Variants in SLC5A10 observed in about 807,000 individuals in gnomAD.
SLC5A10 encodes the protein sodium/mannose cotransporter SLC5A10.
Under a neutral mutation model 68.9 loss-of-function variants are expected in SLC5A10, and 55 were observed. The observed-to-expected ratio is 0.80, with a 90% CI of 0.64 to 1.00. The LOEUF is 1.00. Ranked by LOEUF, SLC5A10 falls within the 50% of genes least tolerant of loss-of-function variation. The pLI is 0.00. For synonymous variants in SLC5A10, 344 were observed against 344.8 expected, an observed-to-expected ratio of 1.00 and a Z score of 0.02; for missense variants, 732 against 819.3, an observed-to-expected ratio of 0.89 and a Z score of 1.30.
At chr17:19,002,625 T>C (rs982340241) in intron 9 of SLC5A10, among the ~76,000 whole-genome samples, 1 of 152,184 alleles carries the variant, frequency 6.6e-6, no homozygotes, top group Non-Finnish European at 1.5e-5. Context: ...GCTTTATCTA[T>C]CAAATTAAGA....
chr17:18,978,704 G>A (rs1567791337), intron 9 of SLC5A10: 9 of 1,612,958 alleles, frequency 5.6e-6, no homozygotes, highest in South Asian at 2.2e-5. Context: ...CTCCGGCTCC[G>A]GTTCCTTCTC....
At chr17:19,011,696 C>T (rs1027066517) in intron 9 of SLC5A10, among the ~76,000 whole-genome samples, 23 of 151,836 alleles carry the variant, frequency 1.5e-4, no homozygotes, top group African/African-American at 5.1e-4. Context: ...AGGGAGGTGC[C>T]TGGGGGATGA....
chr17:19,005,407 A>T (rs1319457340), intron 9 of SLC5A10, among the ~76,000 whole-genome samples: 1 of 152,114 alleles, frequency 6.6e-6, no homozygotes, highest in Admixed American at 6.5e-5. Context: ...GACCCTGGTT[A>T]TGGGGAGCGT....
intron 9 of SLC5A10, chr17:18,977,264 G>A (rs1263483134): frequency 1.7e-6 from 1 of 584,986 alleles, no homozygotes; most frequent in Non-Finnish European, 3.0e-6. Context: ...TGCAAACTAG[G>A]GACTGTGCCA....
Position 19,020,483 on chromosome 17 carries a change from A to G in SLC5A10, c.*52A>G, listed in dbSNP as rs372797080. ...GAGCTCTGAGTCCTCAGGTCCACCC[A>G]TTTCCCTCATGGGGATCCCGAGGCC... On this transcript the variant is annotated 3_prime_UTR_variant, in exon 15 of 15. Coordinates refer to ENST00000395645, the MANE Select transcript of SLC5A10 (RefSeq NM_001042450.4). 7 of 1,561,348 alleles carry G rather than the reference A, an allele frequency of 4.5e-6. No homozygotes were observed. Among genetic ancestry groups the G allele is most frequent in the Middle Eastern group, 1.9e-4 (1 of 5,232 alleles).
At chr17:18,977,523 G>A in intron 9 of SLC5A10, 1 of 1,505,534 alleles carries the variant, frequency 6.6e-7, no homozygotes, top group South Asian at 1.2e-5. Context: ...AACAGCTCGA[G>A]CTCTTGGGTG....
At chr17:19,011,124 G>A (rs2044002722) in intron 9 of SLC5A10, among the ~76,000 whole-genome samples, 1 of 152,222 alleles carries the variant, frequency 6.6e-6, no homozygotes, top group Non-Finnish European at 1.5e-5. Context: ...TGCCCTTGGG[G>A]AGCCTCCGTC....
At chr17:19,020,110 CTGCCATCCCCCA>C in intron 13 of SLC5A10, 33 bp from the exon 14 acceptor site, 3 of 1,246,534 alleles carry the variant, frequency 2.4e-6, no homozygotes, top group Non-Finnish European at 2.3e-6. Flanking sequence ...CACCCCCACC[CTGCCATCCCCCA>C]CCCCCAACCC....
intron 5 of SLC5A10, among the ~76,000 whole-genome samples, chr17:18,965,978 G>A (rs2042700845): frequency 6.6e-6 from 1 of 152,214 alleles, no homozygotes; most frequent in Non-Finnish European, 1.5e-5. Context: ...AGGATGCTAT[G>A]AGCAGCACTG....
In SLC5A10 at chr17:19,015,196, G is replaced by T. The variant is rs1567814539; in HGVS notation, c.1238G>T (p.Gly413Val). Residue 413 changes from glycine (G) to valine (V), a missense_variant, in exon 11 of 15, where the codon GGA becomes GTA. Coordinates refer to ENST00000395645, the MANE Select transcript of SLC5A10 (RefSeq NM_001042450.4). ...GGCGAGCGGGAGCTCCTGCTGGTGG[G>T]ACGGTACGGGGGTGGGGGCCAGTAC... ...RSGERELLLV[G>V]RLVIVALIGV... The T allele has an allele frequency of 6.7e-7, 1 of 1,496,562 alleles. No homozygotes were observed. Among genetic ancestry groups the T allele is most frequent in the Non-Finnish European group, 9.1e-7 (1 of 1,093,106 alleles). 92.7% of individuals were successfully genotyped at this position (1,496,562 alleles called of 1,614,324 possible). A position where few individuals can be genotyped will look rare whatever the true frequency, so the allele number is the denominator to read the frequency against.
At chr17:18,970,937 T>C in intron 7 of SLC5A10, 76 bp from the exon 8 acceptor site, 4 of 1,420,618 alleles carry the variant, frequency 2.8e-6, no homozygotes, top group South Asian at 1.2e-5. Flanking sequence ...TCTTGTGAGA[T>C]GAAGGCAGGG....
intron 5 of SLC5A10, among the ~76,000 whole-genome samples, chr17:18,961,864 G>C (rs992892296): frequency 3.9e-5 from 6 of 152,174 alleles, no homozygotes; most frequent in Non-Finnish European, 8.8e-5. Flanking sequence ...GTGACTCTGA[G>C]GGGATTCCCA....
chr17:18,965,710 C>A (rs1162479193), intron 5 of SLC5A10, among the ~76,000 whole-genome samples: 3 of 152,234 alleles, frequency 2.0e-5, no homozygotes, highest in South Asian at 2.1e-4. Flanking sequence ...ACTGGGCTCC[C>A]GCCCTTGCAA....
Position 18,971,332 on chromosome 17 carries a change from G to C in SLC5A10, c.846+114G>C, listed in dbSNP as rs767417633. ...ATGAGTCTGGGCTGGGGCCTCAGAA[G>C]GTGTGGCTCCAGGCTGGGACATGCT... On this transcript the variant is annotated intron_variant, in intron 8 of 14. Transcript: ENST00000395645. This position sits in a 1 kb window ranked among gnomAD's most constrained non-coding sequence, Gnocchi z 5.5. 15 of 1,606,598 alleles carry C rather than the reference G, an allele frequency of 9.3e-6. No individual in the cohort carries two copies. The highest frequency in any genetic ancestry group is 1.3e-5 in the Non-Finnish European group (15 of 1,175,368).
At chr17:18,983,935 G>A (rs1005616290) in intron 9 of SLC5A10, among the ~76,000 whole-genome samples, 6 of 152,144 alleles carry the variant, frequency 3.9e-5, no homozygotes, top group Non-Finnish European at 7.4e-5. Flanking sequence ...ACCTGTCCCC[G>A]GCAGTGTAGG....
upstream of SLC5A10, among the ~76,000 whole-genome samples, chr17:18,951,085 G>A (rs1168764095): frequency 6.6e-6 from 1 of 152,268 alleles, no homozygotes; most frequent in Non-Finnish European, 1.5e-5. Flanking sequence ...TTGCAGGCCA[G>A]CGTGTTCCTG....
At chr17:18,953,199 T>C (rs2042411205) in intron 1 of SLC5A10, among the ~76,000 whole-genome samples, 1 of 148,536 alleles carries the variant, frequency 6.7e-6, no homozygotes, top group Non-Finnish European at 1.5e-5. Flanking sequence ...GCAGTGGCAC[T>C]ATCTCGGCTC....
In SLC5A10 at chr17:18,968,441, G is replaced by A. The variant is rs767424971; in HGVS notation, c.454-611G>A. Among the ~76,000 whole-genome samples, 1 of 152,200 alleles carries A rather than the reference G, an allele frequency of 6.6e-6. No individual in the cohort carries two copies. Among genetic ancestry groups the A allele is most frequent in the Non-Finnish European group, 1.5e-5 (1 of 68,022 alleles). On this transcript the variant is annotated intron_variant, in intron 5 of 14. Coordinates refer to ENST00000395645, the MANE Select transcript of SLC5A10 (RefSeq NM_001042450.4). This position sits in a 1 kb window ranked among gnomAD's most constrained non-coding sequence, Gnocchi z 4.1. Reference sequence around the variant, plus strand: ...GGCAGAGGTTGGCCTCCAGGCTAGCGCTCCTGCCTTTAGGAGGAGCAGCCA... The same window carrying A: ...GGCAGAGGTTGGCCTCCAGGCTAGCACTCCTGCCTTTAGGAGGAGCAGCCA...
intron 6 of SLC5A10, 65 bp downstream of exon 6, chr17:18,969,222 C>T: frequency 6.3e-7 from 1 of 1,581,764 alleles, no homozygotes; most frequent in Admixed American, 1.7e-5. Flanking sequence ...GGCCACCTCC[C>T]CCTACAGGCC....
Sources: allele counts gnomAD v4.1 joint callset (sites outside exome capture counted in the v4.1 genomes callset), GRCh38; gene constraint gnomAD v4.1.1; non-coding constraint Gnocchi (gnomAD v3.1); transcripts MANE v1.5; gene names NCBI Gene and HGNC (gene_info 2026-07-23, HGNC 2026-07-21).